The following AKAP6 variants were observed in gnomAD, a reference collection of about 807,000 sequenced individuals.
AKAP6 encodes the protein A-kinase anchoring protein 6.
In AKAP6, 58 loss-of-function variants were observed where a neutral mutation model predicts 188.5. That is an observed-to-expected ratio of 0.31 (90% CI 0.25 to 0.38). The LOEUF is 0.38. Among genes scored for constraint, AKAP6 ranks in the 10% least tolerant of loss-of-function variants. AKAP6 has a pLI of 1.00. For missense variants in AKAP6, 2,710 were observed against 2,740.0 expected, an observed-to-expected ratio of 0.99 and a Z score of 0.24; for synonymous variants, 989 against 998.6, an observed-to-expected ratio of 0.99 and a Z score of 0.18.
At chr14:32,333,200 G>A (rs767910532) in intron 1 of AKAP6, among the ~76,000 whole-genome samples, 2 of 152,234 alleles carry the variant, frequency 1.3e-5, no homozygotes, top group African/African-American at 2.4e-5. Flanking sequence ...AAGCTGCTAG[G>A]TACAATGACT....
At chr14:32,532,615 G>A (rs2139104535) in intron 2 of AKAP6, among the ~76,000 whole-genome samples, 1 of 152,310 alleles carries the variant, frequency 6.6e-6, no homozygotes, top group East Asian at 1.9e-4. Context: ...TTGTATTGCA[G>A]GATGGTGTGG....
intron 7 of AKAP6, among the ~76,000 whole-genome samples, chr14:32,601,057 A>G (rs904426393): frequency 6.6e-5 from 10 of 152,090 alleles, no homozygotes; most frequent in Admixed American, 1.3e-4. Context: ...AGAAAGGGGG[A>G]CATAAAACAT....
chr14:32,821,810 A>G lies in AKAP6; in HGVS notation c.3997A>G (p.Thr1333Ala). The G allele has an allele frequency of 1.2e-6, 2 of 1,613,744 alleles. No homozygotes were observed. The highest frequency in any genetic ancestry group is 1.3e-5 in the African/African-American group (1 of 74,958). ...SLSKDSSFSS[T>A]KSLPDLLGGS... ...CAGTAAAGACTCTTCATTTTCATCT[A>G]CCAAATCTTTGCCAGATCTTCTAGG... The change falls in exon 13 of 14, where the codon ACC (threonine) becomes GCC (alanine). Residue 1333 changes from threonine to alanine, a missense_variant. Thr to Ala is a moderately conservative substitution (Grantham distance 58). Transcript: ENST00000280979.
Position 32,770,447 on chromosome 14 carries a change from A to G in AKAP6, c.3373-3231A>G, listed in dbSNP as rs559197309. 1.3e-5 allele frequency among the ~76,000 whole-genome samples: 2 copies of G among 152,294 alleles called. 1 individual carries two copies. Among genetic ancestry groups the G allele is most frequent in the Admixed American group, 1.3e-4 (2 of 15,292 alleles). On this transcript the variant is annotated intron_variant, in intron 11 of 13. Coordinates refer to ENST00000280979, the MANE Select transcript of AKAP6 (RefSeq NM_004274.5). Reference sequence around the variant, plus strand: ...TTCTAGGAAGGCAATATGACTATGCATGGGAACCAACATGATCTCATTAGA... The same window carrying G: ...TTCTAGGAAGGCAATATGACTATGCGTGGGAACCAACATGATCTCATTAGA...
At chr14:32,518,475 AT>A (rs1264104238) in intron 2 of AKAP6, among the ~76,000 whole-genome samples, 2 of 152,198 alleles carry the variant, frequency 1.3e-5, no homozygotes, top group African/African-American at 4.8e-5. Flanking sequence ...GCTAACTAGA[AT>A]AAACAGCATA....
intron 12 of AKAP6, among the ~76,000 whole-genome samples, chr14:32,796,753 C>T (rs79809576): frequency 0.073 from 11,097 of 152,106 alleles, 539 homozygotes; most frequent in Middle Eastern, 0.14. Context: ...GTAATGATTT[C>T]GTCAAACACT....
chr14:32,834,109 T>C lies in AKAP6; in HGVS notation c.*4304T>C, dbSNP rs1232087290. ...ATCTTCATACTCAAGAAATGTAACA[T>C]TGGCTGGTCATGGTGGCTCACGCCT... On this transcript the variant is annotated 3_prime_UTR_variant, in exon 14 of 14. Transcript: ENST00000280979. 1 of 152,228 alleles carries C rather than the reference T, an allele frequency of 6.6e-6. No individual in the cohort carries two copies. The highest frequency in any genetic ancestry group is 1.5e-5 in the Non-Finnish European group (1 of 68,042). The allele number at this position is 152,228 out of a possible 1,614,324, so 9.4% of individuals were successfully genotyped here. A position where few individuals can be genotyped will look rare whatever the true frequency, so the allele number is the denominator to read the frequency against.
intron 7 of AKAP6, among the ~76,000 whole-genome samples, chr14:32,643,809 C>G (rs1400808534): frequency 6.6e-6 from 1 of 152,126 alleles, no homozygotes; most frequent in African/African-American, 2.4e-5. Context: ...GTGAACTGTA[C>G]TGACCTTGAT....
intron 2 of AKAP6, chr14:32,442,747 A>C (rs1029880218): frequency 1.3e-5 from 2 of 152,274 alleles, no homozygotes; most frequent in African/African-American, 4.8e-5. Flanking sequence ...GTGTATTTTA[A>C]TTCATCATAA....
At chr14:32,706,384 C>T (rs1368089370) in intron 9 of AKAP6, among the ~76,000 whole-genome samples, 1 of 152,050 alleles carries the variant, frequency 6.6e-6, no homozygotes, top group African/African-American at 2.4e-5. Flanking sequence ...GCAAGTATTG[C>T]CATGCTGAGC....
chr14:32,797,531 A>G (rs2033807774), intron 12 of AKAP6, among the ~76,000 whole-genome samples: 1 of 152,234 alleles, frequency 6.6e-6, no homozygotes. Context: ...CAAACATTGC[A>G]TGTTCTTACT....
At chr14:32,601,788 T>A (rs1885936895) in intron 7 of AKAP6, among the ~76,000 whole-genome samples, 2 of 152,232 alleles carry the variant, frequency 1.3e-5, no homozygotes, top group African/African-American at 4.8e-5. Context: ...AAACAAATAC[T>A]TTGCCCTCTT....
At chr14:32,610,280 G>A (rs1453170223) in intron 7 of AKAP6, among the ~76,000 whole-genome samples, 1 of 152,130 alleles carries the variant, frequency 6.6e-6, no homozygotes, top group East Asian at 1.9e-4. Flanking sequence ...TTTGATTCTA[G>A]CTGCTTAGTT....
intron 1 of AKAP6, among the ~76,000 whole-genome samples, chr14:32,367,275 C>A (rs1411966952): frequency 6.6e-6 from 1 of 152,092 alleles, no homozygotes; most frequent in Non-Finnish European, 1.5e-5. Flanking sequence ...ACGCAGGGCT[C>A]AATAATTCAC....
intron 9 of AKAP6, among the ~76,000 whole-genome samples, chr14:32,725,017 A>C (rs973645423): frequency 6.7e-6 from 1 of 148,984 alleles, no homozygotes; most frequent in African/African-American, 2.5e-5. Context: ...AAAAAAAAAA[A>C]CAATTTTCCT....
intron 1 of AKAP6, among the ~76,000 whole-genome samples, chr14:32,364,043 C>T (rs185741995): frequency 5.3e-5 from 8 of 152,180 alleles, no homozygotes; most frequent in Admixed American, 5.2e-4. Context: ...CTGTGTGTCT[C>T]ACTCAGTATC....
intron 2 of AKAP6, among the ~76,000 whole-genome samples, chr14:32,511,702 C>T (rs1401613340): frequency 1.3e-5 from 2 of 152,098 alleles, no homozygotes; most frequent in African/African-American, 2.4e-5. Flanking sequence ...TTCCCCATAC[C>T]AGTTCTTTTT....
intron 1 of AKAP6, among the ~76,000 whole-genome samples, chr14:32,410,609 G>GT (rs747300865): frequency 3.3e-5 from 5 of 152,070 alleles, no homozygotes; most frequent in Non-Finnish European, 7.4e-5. Context: ...ATTTTATAGA[G>GT]TTTGACTCTT....
At chr14:32,658,178 T>G (rs773441001) in intron 7 of AKAP6, among the ~76,000 whole-genome samples, 12 of 152,074 alleles carry the variant, frequency 7.9e-5, no homozygotes, top group Non-Finnish European at 1.5e-4. Context: ...CTCTATATAG[T>G]GATTGATTTA....
Sources: allele counts gnomAD v4.1 joint callset (sites outside exome capture counted in the v4.1 genomes callset), GRCh38; gene constraint gnomAD v4.1.1; transcripts MANE v1.5; gene names NCBI Gene and HGNC (gene_info 2026-07-23, HGNC 2026-07-21).